Variants in GPR137C observed in about 807,000 individuals in gnomAD.
GPR137C encodes the protein G protein-coupled receptor 137C, also known as integral membrane protein GPR137C.
GPR137C carries 27 observed loss-of-function variants against 43.4 expected under a neutral mutation model. The observed-to-expected ratio is 0.62, with a 90% CI of 0.46 to 0.86. GPR137C has a LOEUF of 0.86. Among genes scored for constraint, GPR137C ranks in the 40% least tolerant of loss-of-function variants. GPR137C has a pLI of 0.00. For synonymous variants in GPR137C, 285 were observed against 226.9 expected (o/e 1.26, Z -2.30); for missense variants, 522 against 534.6 (o/e 0.98, Z 0.23).
chr14:52,559,121 T>TTAGA (rs935221870), intron 1 of GPR137C, among the ~76,000 whole-genome samples: 4 of 152,212 alleles, frequency 2.6e-5, no homozygotes, highest in Non-Finnish European at 5.9e-5. Flanking sequence ...CTCACGCCTC[T>TTAGA]AATCCCAGCA....
chr14:52,565,454 T>A (rs997806818), intron 1 of GPR137C, among the ~76,000 whole-genome samples: 1 of 152,210 alleles, frequency 6.6e-6, no homozygotes, highest in South Asian at 2.1e-4. Flanking sequence ...TCTGACCAAA[T>A]GTGTAGAAAG....
intron 3 of GPR137C, among the ~76,000 whole-genome samples, chr14:52,600,981 A>T (rs1485823262): frequency 6.6e-6 from 1 of 152,204 alleles, no homozygotes; most frequent in Non-Finnish European, 1.5e-5. Flanking sequence ...TGAAACAACT[A>T]ATTGTGTAGC....
At chr14:52,563,443 A>G (rs550789342) in intron 1 of GPR137C, among the ~76,000 whole-genome samples, 5 of 152,276 alleles carry the variant, frequency 3.3e-5, no homozygotes, top group South Asian at 4.1e-4. Flanking sequence ...CAGATTCAAC[A>G]TGATCTTTCT....
rs117180019 is a variant in GPR137C, at chr14:52,626,383, A to C, written c.718-5777A>C. ...AGTGTCATTCACTACATTAAAACAA[A>C]AGAGAAAAACCACATAATCATTTCA... On this transcript the variant is annotated intron_variant, in intron 3 of 6. Coordinates refer to ENST00000321662, the MANE Select transcript of GPR137C (RefSeq NM_001099652.2). Among the ~76,000 whole-genome samples, 559 of 152,300 alleles carry C rather than the reference A, an allele frequency of 3.7e-3. 3 individuals carry two copies. The highest frequency in any genetic ancestry group is 5.4e-3 in the Non-Finnish European group (368 of 68,024).
Position 52,562,494 on chromosome 14 carries a change from G to A in GPR137C, c.444+8903G>A, listed in dbSNP as rs77272465. On this transcript the variant is annotated intron_variant, in intron 1 of 6. Coordinates refer to ENST00000321662, the MANE Select transcript of GPR137C (RefSeq NM_001099652.2). ...CTTGTAAAGCTGAGCATGGTGGCAC[G>A]TGTCTGTAGTCTCAGCTACTCAGGA... Among the ~76,000 whole-genome samples, 973 of 152,234 alleles carry A rather than the reference G, an allele frequency of 6.4e-3. 6 individuals are homozygous for A. The highest frequency in any genetic ancestry group is 0.022 in the African/African-American group (900 of 41,512).
intron 3 of GPR137C, among the ~76,000 whole-genome samples, chr14:52,616,061 A>G (rs1566622701): frequency 6.6e-6 from 1 of 152,180 alleles, no homozygotes. Context: ...TTAGAGCAAT[A>G]TGTTTTCTCA....
chr14:52,585,951 C>T (rs2038708029), intron 1 of GPR137C, among the ~76,000 whole-genome samples: 1 of 152,188 alleles, frequency 6.6e-6, no homozygotes, highest in South Asian at 2.1e-4. Context: ...AGTCTCAAAG[C>T]CCCCAAATTC....
intron 1 of GPR137C, among the ~76,000 whole-genome samples, chr14:52,588,691 A>G (rs2038742695): frequency 6.6e-6 from 1 of 152,216 alleles, no homozygotes; most frequent in South Asian, 2.1e-4. Context: ...TGAAATATGT[A>G]CCTAATGCAT....
intron 5 of GPR137C, 48 bp downstream of exon 5, chr14:52,633,703 A>T: frequency 6.3e-7 from 1 of 1,591,824 alleles, no homozygotes; most frequent in African/African-American, 1.3e-5. Context: ...TTTAAAAATT[A>T]TGGAACATTT....
intron 3 of GPR137C, among the ~76,000 whole-genome samples, chr14:52,609,853 G>A (rs1382988466): frequency 6.6e-6 from 1 of 152,210 alleles, no homozygotes; most frequent in Non-Finnish European, 1.5e-5. Flanking sequence ...GACAAAGGCA[G>A]TATGACTTCA....
intron 1 of GPR137C, among the ~76,000 whole-genome samples, chr14:52,578,992 G>C (rs1457239430): frequency 1.3e-5 from 2 of 151,896 alleles, no homozygotes; most frequent in Non-Finnish European, 2.9e-5. Flanking sequence ...GGTGAGATAT[G>C]TACGCTCTGA....
intron 1 of GPR137C, among the ~76,000 whole-genome samples, chr14:52,576,291 T>C (rs1428337868): frequency 2.0e-5 from 3 of 152,222 alleles, no homozygotes; most frequent in African/African-American, 7.2e-5. Flanking sequence ...GTTGTTGCAA[T>C]TGATAGAATT....
At position 52,602,370 on chromosome 14, in the gene GPR137C, T is replaced by A. The variant is rs568197874; in HGVS notation, c.717+2029T>A. Among the ~76,000 whole-genome samples, 3 of 152,118 alleles carry A rather than the reference T, an allele frequency of 2.0e-5. No homozygotes were observed. The South Asian group carries it at 6.2e-4, about 32-fold the overall frequency. ...CAATACCTTTGTTACGCTTTCACTA[T>A]CAAACTGACCCTGTTTCTTGTCTTT... On this transcript the variant is annotated intron_variant, in intron 3 of 6. Transcript: ENST00000321662.
rs1164350667 is a variant in GPR137C, at chr14:52,591,007, G to C, written c.445-7265G>C. ...GCCCCCCACCCCCTTATAGGCCCCA[G>C]TGTGTGATGTTCCCCACCCTGTGTC... On this transcript the variant is annotated intron_variant, in intron 1 of 6. Transcript: ENST00000321662. 4.8e-5 allele frequency among the ~76,000 whole-genome samples: 3 copies of C among 62,038 alleles called. No homozygotes were observed. In the South Asian group the frequency reaches 1.8e-3, roughly 38 times the overall value. The allele number at this position is 62,038 out of a possible 152,430, so 40.7% of individuals were successfully genotyped here.
intron 3 of GPR137C, among the ~76,000 whole-genome samples, chr14:52,603,535 GTTGT>G (rs928027470): frequency 5.3e-5 from 8 of 151,982 alleles, no homozygotes; most frequent in South Asian, 2.1e-4. Flanking sequence ...GCTTTTTGGG[GTTGT>G]TTGTTTGTTT....
chr14:52,583,013 C>G (rs1428088916), intron 1 of GPR137C, among the ~76,000 whole-genome samples: 1 of 151,798 alleles, frequency 6.6e-6, no homozygotes, highest in Non-Finnish European at 1.5e-5. Context: ...ATTTGACAGC[C>G]ATTAACCCTT....
chr14:52,556,508 T>C (rs967625500), intron 1 of GPR137C, among the ~76,000 whole-genome samples: 2 of 146,502 alleles, frequency 1.4e-5, no homozygotes, highest in Non-Finnish European at 3.0e-5. Flanking sequence ...AAGCCTATAG[T>C]TGAGAGAGAG....
intron 1 of GPR137C, among the ~76,000 whole-genome samples, chr14:52,587,650 G>A (rs1211057317): frequency 1.3e-5 from 2 of 152,170 alleles, no homozygotes; most frequent in African/African-American, 2.4e-5. Context: ...CACGCCTGTA[G>A]TTCCAGCTAC....
rs1489499106 is a variant in GPR137C, at chr14:52,632,389, A to T, written c.867+80A>T. ...ATCTAGAAGAACACTGTAGTGTTTG[A>T]CTTACAAACACATTTATGGAATCTC... On this transcript the variant is annotated intron_variant, in intron 4 of 6. Coordinates refer to ENST00000321662, the MANE Select transcript of GPR137C (RefSeq NM_001099652.2). 7.4e-6 allele frequency: 7 copies of T among 948,954 alleles called. No homozygotes were observed. In the African/African-American group the frequency reaches 1.2e-4, roughly 16 times the overall value. The allele number at this position is 948,954 out of a possible 1,614,324, so 58.8% of individuals were successfully genotyped here.
Sources: allele counts gnomAD v4.1 joint callset (sites outside exome capture counted in the v4.1 genomes callset), GRCh38; gene constraint gnomAD v4.1.1; transcripts MANE v1.5; gene names NCBI Gene and HGNC (gene_info 2026-07-23, HGNC 2026-07-21).